CROCC: variants seen among roughly 807,000 people sequenced by gnomAD.
The protein encoded by CROCC is ciliary rootlet coiled-coil, rootletin.
CROCC carries 180 observed loss-of-function variants against 245.2 expected under a neutral mutation model. The observed-to-expected ratio is 0.73, with a 90% confidence interval of 0.65 to 0.83. The LOEUF (loss-of-function observed/expected upper bound fraction) is 0.83. Among genes scored for constraint, CROCC ranks in the 40% least tolerant of loss-of-function variants. The pLI is 0.00. For synonymous variants in CROCC, 1,205 were observed against 1,241.6 expected, an observed-to-expected ratio of 0.97 and a Z score of 0.62; for missense variants, 2,688 against 2,779.4, an observed-to-expected ratio of 0.97 and a Z score of 0.74.
At chr1:16,921,005 A>G (rs1250692515), upstream of CROCC, among the ~76,000 whole-genome samples, 1 of 152,278 alleles carries the variant, frequency 6.6e-6, no homozygotes, top group Non-Finnish European at 1.5e-5. Flanking sequence ...TGTCCTCCCA[A>G]AATGCCGAGA....
In CROCC at chr1:16,930,168, G is replaced by A; in HGVS notation, c.582G>A (p.Leu194=). 7 of 1,594,328 alleles carry A rather than the reference G, an allele frequency of 4.4e-6. No homozygotes were observed. Among genetic ancestry groups the A allele is most frequent in the Non-Finnish European group, 6.0e-6 (7 of 1,171,022 alleles). The change falls in exon 5 of 37, where the codon CTG becomes CTA. Residue 194 remains leucine, a synonymous_variant. Transcript: ENST00000375541. The stretch of plus-strand genomic sequence containing the variant: ...GGTGCTCGGAGCTGGAGCAGCAGCT[G>A]CTGGAGAGATCCGGAGAGCTGGAGC... ...KKRCSELEQQ[L]LERSGELEQQ...
rs766627782 is a variant in CROCC, at chr1:16,970,630, G to A, written c.5653-6G>A. 7 of 1,539,692 alleles carry A rather than the reference G, an allele frequency of 4.5e-6. No homozygotes were observed. The African/African-American group carries it at 8.2e-5, about 18-fold the overall frequency. ...CACCCTGATCTCCTGTGGCTCTCCT[G>A]CCTAGGTGGAGCGGGAGAAGCTTCG... is the stretch of plus-strand genomic sequence containing the variant. On this transcript the variant is annotated splice_region_variant and splice_polypyrimidine_tract_variant and intron_variant, in intron 34 of 36. Transcript: ENST00000375541.
intron 14 of CROCC, 119 bp from the exon 15 acceptor site, chr1:16,945,343 A>G: frequency 6.9e-7 from 1 of 1,457,794 alleles, no homozygotes; most frequent in Non-Finnish European, 9.4e-7. Flanking sequence ...CCTGTGGCTC[A>G]GGCTGTTTCT....
In CROCC at chr1:16,962,610, G is replaced by A. The variant is rs1036918708; in HGVS notation, c.4405+1480G>A. Among the ~76,000 whole-genome samples the A allele has an allele frequency of 2.0e-5, 3 of 148,836 alleles. No homozygotes were observed. In the East Asian group the frequency reaches 6.1e-4, roughly 30 times the overall value. ...GCTAGTCTTGAACTCCTGACCTTAC[G>A]TGATCTGCCCACCTCAGCCTCCCAA... is the stretch of plus-strand genomic sequence containing the variant. On this transcript the variant is annotated intron_variant, in intron 27 of 36. Coordinates refer to ENST00000375541, the MANE Select transcript of CROCC (RefSeq NM_014675.5).
chr1:16,946,885 GC>G lies in CROCC; in HGVS notation c.2410del (p.Leu804TrpfsTer33). 1.3e-6 allele frequency: 2 copies of G among 1,562,928 alleles called. No homozygotes were observed. The highest frequency in any genetic ancestry group is 2.4e-5 in the South Asian group (2 of 84,768). ...LRLEQEVARQ[G>X]LEGSLRVAEQ... ...TTGGAGCAGGAGGTGGCGCGGCAGG[GC>G]CTGGAGGGCTCCCTACGAGTGGCGG... On this transcript the variant is annotated frameshift_variant, in exon 17 of 37. Transcript: ENST00000375541. LOFTEE classifies it high-confidence loss of function.
chr1:16,966,559 C>G lies in CROCC; in HGVS notation c.4848C>G (p.Leu1616=). The change falls in exon 30 of 37, where the codon CTC becomes CTG. Residue 1616 remains leucine (L), a synonymous_variant. Transcript: ENST00000375541. The surrounding 1 kb of genome is among the most constrained non-coding windows in gnomAD (Gnocchi z 4.8). ...ERSLQATESE[L]RASQEKISKM... ...GCCTGCAGGCCACCGAGAGCGAGCT[C>G]CGGGCCAGCCAGGTGGGCAGGAGCT... 6.7e-7 allele frequency: 1 copy of G among 1,483,324 alleles called. No individual in the cohort carries two copies. The highest frequency in any genetic ancestry group is 8.9e-7 in the Non-Finnish European group (1 of 1,119,846). The allele number at this position is 1,483,324 out of a possible 1,614,324, so 91.9% of individuals were successfully genotyped here. A position where few individuals can be genotyped will look rare whatever the true frequency, so the allele number is the denominator to read the frequency against.
At position 16,940,048 on chromosome 1, in the gene CROCC, A is replaced by T; in HGVS notation, c.1763A>T (p.Gln588Leu). ...GCCATGCAGGCCCACGAGGACGCCCAGCGCGAGGTGCAGCGGCTGCGGAGC... is the reference window on the plus strand; with the variant it reads ...GCCATGCAGGCCCACGAGGACGCCCTGCGCGAGGTGCAGCGGCTGCGGAGC... ...DGAMQAHEDA[Q>L]REVQRLRSAN... The change falls in exon 13 of 37, where the codon CAG becomes CTG. Residue 588 changes from glutamine to leucine, a missense_variant. Gln to Leu is a moderately radical substitution (Grantham distance 113). This residue lies in a region of CROCC where 972 missense variants were observed against 895.3 expected (regional missense o/e 1.09). Transcript: ENST00000375541. The T allele has an allele frequency of 6.2e-7, 1 of 1,610,278 alleles. No individual in the cohort carries two copies. Among genetic ancestry groups the T allele is most frequent in the Non-Finnish European group, 8.5e-7 (1 of 1,179,190 alleles).
At chr1:16,921,898 C>A, upstream of CROCC, 1 of 1,090,610 alleles carries the variant, frequency 9.2e-7, no homozygotes, top group Non-Finnish European at 1.3e-6. Context: ...GGGGGCGCCG[C>A]CGGATTTAAG....
intron 30 of CROCC, 29 bp from the exon 31 acceptor site, chr1:16,968,174 T>C (rs2076449941): frequency 1.3e-6 from 2 of 1,547,824 alleles, no homozygotes; most frequent in African/African-American, 2.7e-5. Flanking sequence ...GCACTGGACG[T>C]CTGGGCCTGA....
upstream of CROCC, among the ~76,000 whole-genome samples, chr1:16,919,085 G>C (rs1272758936): frequency 1.3e-5 from 2 of 152,282 alleles, no homozygotes; most frequent in East Asian, 3.8e-4. Context: ...ATTGCAACTT[G>C]GCAACATTTA....
Position 16,948,333 on chromosome 1 carries a change from C to T in CROCC, c.2517C>T (p.Leu839=), listed in dbSNP as rs1476866865. ...RSQLQEQLAQ[L]SRQLSGREQE... ...CTCAGTCTCTGGGTGGGGGCCAGCT[C>T]TCCCGGCAGCTGAGCGGGCGGGAGC... The change falls in exon 18 of 37, where the codon CTC becomes CTT. Residue 839 remains leucine, a splice_region_variant and synonymous_variant. Coordinates refer to ENST00000375541, the MANE Select transcript of CROCC (RefSeq NM_014675.5). 2 of 1,563,792 alleles carry T rather than the reference C, an allele frequency of 1.3e-6. No individual in the cohort carries two copies. The highest frequency in any genetic ancestry group is 4.5e-5 in the East Asian group (2 of 44,182).
intron 13 of CROCC, among the ~76,000 whole-genome samples, chr1:16,941,590 G>A (rs1321373667): frequency 6.6e-6 from 1 of 152,208 alleles, no homozygotes; most frequent in Admixed American, 6.5e-5. Flanking sequence ...AAATTAGCTG[G>A]GCGTGGTGGC....
intron 17 of CROCC, among the ~76,000 whole-genome samples, chr1:16,947,715 C>A (rs1414525496): frequency 6.6e-6 from 1 of 152,246 alleles, no homozygotes; most frequent in Non-Finnish European, 1.5e-5. Context: ...GCCTGCCGAG[C>A]AGCTGCACTT....
rs566163744 is a variant in CROCC at position 16,966,137 on chromosome 1, G to A, written c.4696+18G>A. 5.1e-4 allele frequency: 813 copies of A among 1,602,762 alleles called. 10 individuals are homozygous for A. In the South Asian group the frequency reaches 8.7e-3, roughly 17 times the overall value. Reference sequence around the variant, plus strand: ...TGAGGAAGGTGAGTCTGATCCTCGGGGTCCCTGTTCTCTCTCCTGTGTTTT... The same window carrying A: ...TGAGGAAGGTGAGTCTGATCCTCGGAGTCCCTGTTCTCTCTCCTGTGTTTT... On this transcript the variant is annotated intron_variant, in intron 29 of 36. Coordinates refer to ENST00000375541, the MANE Select transcript of CROCC (RefSeq NM_014675.5). This position sits in a 1 kb window ranked among gnomAD's most constrained non-coding sequence, Gnocchi z 4.8.
chr1:16,971,767 T>C (rs1570728964), intron 36 of CROCC, 120 bp downstream of exon 36: 4 of 1,064,624 alleles, frequency 3.8e-6, no homozygotes, highest in Non-Finnish European at 5.2e-6. Context: ...CCGAAAAGGG[T>C]GGGGTTGGCT....
intron 7 of CROCC, 29 bp downstream of exon 7, chr1:16,930,623 C>G (rs750408492): frequency 6.3e-7 from 1 of 1,588,664 alleles, no homozygotes; most frequent in South Asian, 1.1e-5. Flanking sequence ...GGAGGCCAGC[C>G]TGACCCAAGA....
chr1:16,955,577 T>C (rs1304933236), intron 24 of CROCC, 27 bp downstream of exon 24: 7 of 1,467,144 alleles, frequency 4.8e-6, no homozygotes, highest in Non-Finnish European at 6.3e-6. Flanking sequence ...GGACCAGTCC[T>C]GAGTCCTCAT....
At chr1:16,918,577 C>T (rs1413446913), upstream of CROCC, among the ~76,000 whole-genome samples, 1 of 152,194 alleles carries the variant, frequency 6.6e-6, no homozygotes, top group Non-Finnish European at 1.5e-5. Flanking sequence ...GCATGCAGGG[C>T]TGGACATGCT....
chr1:16,960,355 T>C (rs1453731956), intron 26 of CROCC, among the ~76,000 whole-genome samples: 1 of 152,200 alleles, frequency 6.6e-6, no homozygotes, highest in Admixed American at 6.5e-5. Flanking sequence ...GCTCTGCAGT[T>C]TACTAACTCT....
Sources: allele counts gnomAD v4.1 joint callset (sites outside exome capture counted in the v4.1 genomes callset), GRCh38; gene constraint gnomAD v4.1.1; regional missense constraint gnomAD v4.1.1; non-coding constraint Gnocchi (gnomAD v3.1); transcripts MANE v1.5; gene names NCBI Gene and HGNC (gene_info 2026-07-23, HGNC 2026-07-21).